Variants in CLIP4 observed in about 807,000 individuals in gnomAD.
The protein encoded by CLIP4 is CAP-Gly domain containing linker protein family member 4.
A neutral mutation model predicts 73.1 loss-of-function variants in CLIP4; 47 were observed. The observed-to-expected ratio is 0.64, with a 90% CI of 0.51 to 0.82. The LOEUF is 0.82. Ranked by LOEUF, CLIP4 falls within the 40% of genes least tolerant of loss-of-function variation. The pLI is 0.00. For synonymous variants in CLIP4, 306 were observed against 295.4 expected (o/e 1.04, Z -0.37); for missense variants, 874 against 852.9 (o/e 1.02, Z -0.31).
intron 15 of CLIP4, among the ~76,000 whole-genome samples, chr2:29,177,128 G>T (rs1199930799): frequency 6.6e-6 from 1 of 152,082 alleles, no homozygotes; most frequent in Non-Finnish European, 1.5e-5. Flanking sequence ...AAACAGTTTG[G>T]CCAGGCACAG....
chr2:29,169,898 T>A (rs996264972), intron 14 of CLIP4, among the ~76,000 whole-genome samples: 9 of 152,264 alleles, frequency 5.9e-5, no homozygotes, highest in African/African-American at 2.2e-4. Flanking sequence ...CAACCTCTCT[T>A]TATCCCCCTT....
intron 5 of CLIP4, among the ~76,000 whole-genome samples, chr2:29,134,485 C>G (rs566213668): frequency 6.6e-6 from 1 of 152,260 alleles, no homozygotes; most frequent in Non-Finnish European, 1.5e-5. Context: ...CCAGAATGTT[C>G]ATTTCTAACC....
chr2:29,099,524 A>T (rs1222714947), intron 1 of CLIP4, among the ~76,000 whole-genome samples: 2 of 152,170 alleles, frequency 1.3e-5, no homozygotes, highest in Non-Finnish European at 2.9e-5. Context: ...TTGAGTGAGT[A>T]TATTTCTGAG....
intron 15 of CLIP4, among the ~76,000 whole-genome samples, chr2:29,179,159 GA>G (rs1335070014): frequency 6.6e-6 from 1 of 152,184 alleles, no homozygotes; most frequent in Non-Finnish European, 1.5e-5. Context: ...GAGGAGTGGT[GA>G]GAGTCATATC....
chr2:29,138,115 C>T (rs975440062), intron 6 of CLIP4, among the ~76,000 whole-genome samples: 7 of 152,118 alleles, frequency 4.6e-5, no homozygotes, highest in African/African-American at 1.2e-4. Context: ...CCTAGGTTTT[C>T]GTCTAGGATT....
At chr2:29,147,621 TG>T in intron 8 of CLIP4, among the ~76,000 whole-genome samples, 1 of 152,282 alleles carries the variant, frequency 6.6e-6, no homozygotes, top group Admixed American at 6.5e-5. Flanking sequence ...GGGTACAGAA[TG>T]ATATTTCTGT....
At chr2:29,140,957 A>G (rs1665722642) in intron 6 of CLIP4, among the ~76,000 whole-genome samples, 1 of 152,046 alleles carries the variant, frequency 6.6e-6, no homozygotes, top group Non-Finnish European at 1.5e-5. Flanking sequence ...TGTCTTCTTG[A>G]TACAGGCGTT....
intron 6 of CLIP4, among the ~76,000 whole-genome samples, chr2:29,140,835 G>A (rs1168824590): frequency 6.6e-6 from 1 of 152,140 alleles, no homozygotes. Flanking sequence ...AGCCAGTGAT[G>A]GTGAGCATTT....
At position 29,121,804 on chromosome 2, in the gene CLIP4, T is replaced by C. The variant is rs1032016297; in HGVS notation, c.133+283T>C. On this transcript the variant is annotated intron_variant, in intron 2 of 15. Coordinates refer to ENST00000320081, the MANE Select transcript of CLIP4 (RefSeq NM_024692.6). ...TAGAAAGCAATGGTGCTTAGATATC[T>C]AGCATTCTTCTGCTATTGATGTATT... Among the ~76,000 whole-genome samples the C allele has an allele frequency of 2.2e-4, 33 of 152,190 alleles. 1 individual carries two copies. The highest frequency in any genetic ancestry group is 3.9e-4 in the Admixed American group (6 of 15,284).
chr2:29,134,143 AAT>A (rs1458192679), intron 5 of CLIP4, among the ~76,000 whole-genome samples: 2 of 152,186 alleles, frequency 1.3e-5, no homozygotes, highest in Non-Finnish European at 2.9e-5. Context: ...GGTAGCCAGA[AAT>A]AGAATAATAA....
At chr2:29,150,790 T>C (rs1468077796) in intron 8 of CLIP4, among the ~76,000 whole-genome samples, 1 of 151,912 alleles carries the variant, frequency 6.6e-6, no homozygotes, top group Non-Finnish European at 1.5e-5. Flanking sequence ...TGGCTAAATT[T>C]TGTATTTTTA....
chr2:29,101,066 G>A lies in CLIP4; in HGVS notation c.-16+3119G>A, dbSNP rs146580467. 9.2e-5 allele frequency among the ~76,000 whole-genome samples: 14 copies of A among 152,106 alleles called. No individual in the cohort carries two copies. The East Asian group carries it at 2.3e-3, about 25-fold the overall frequency. The stretch of plus-strand genomic sequence containing the variant: ...AGCACTTCGGGAGGCAGAGGCAGGC[G>A]GATCACCTGAAGTAGGAGTTTGAGA... On this transcript the variant is annotated intron_variant, in intron 1 of 14. Transcript: ENST00000401605.
chr2:29,173,553 G>T (rs929633144), intron 14 of CLIP4, among the ~76,000 whole-genome samples: 9 of 152,120 alleles, frequency 5.9e-5, no homozygotes, highest in African/African-American at 2.2e-4. Flanking sequence ...CAATTACTTT[G>T]GTGCTTGGAG....
chr2:29,126,690 T>G (rs1206862992), intron 2 of CLIP4, among the ~76,000 whole-genome samples: 1 of 152,202 alleles, frequency 6.6e-6, no homozygotes, highest in African/African-American at 2.4e-5. Flanking sequence ...GTTTGCAGTT[T>G]GAATGTCTTG....
At chr2:29,160,981 T>A (rs1667250886) in intron 12 of CLIP4, among the ~76,000 whole-genome samples, 1 of 143,540 alleles carries the variant, frequency 7.0e-6, no homozygotes, top group Non-Finnish European at 1.5e-5. Flanking sequence ...TTACTTTCTA[T>A]TTTTTTTTTT....
chr2:29,119,341 G>T (rs1664095713), intron 1 of CLIP4, among the ~76,000 whole-genome samples: 1 of 152,088 alleles, frequency 6.6e-6, no homozygotes, highest in African/African-American at 2.4e-5. Context: ...GTATCTTTGA[G>T]GATCTCAACA....
At chr2:29,128,775 A>G (rs1024802003) in intron 2 of CLIP4, among the ~76,000 whole-genome samples, 2 of 151,462 alleles carry the variant, frequency 1.3e-5, no homozygotes, top group Admixed American at 6.6e-5. Context: ...TTTTTCCTTC[A>G]TTTTCTTTTT....
At chr2:29,121,257 T>G (rs1664229487) in intron 1 of CLIP4, 117 bp from the exon 2 acceptor site, 4 of 1,030,966 alleles carry the variant, frequency 3.9e-6, no homozygotes, top group Non-Finnish European at 5.5e-6. Context: ...TAAAAGATCC[T>G]TACTGAAAAT....
At chr2:29,133,968 T>C in intron 5 of CLIP4, 152 bp downstream of exon 5, 1 of 631,356 alleles carries the variant, frequency 1.6e-6, no homozygotes, top group Non-Finnish European at 2.6e-6. Flanking sequence ...TTAAAATTTC[T>C]TTATTGAGTA....
Sources: gnomAD v4.1 joint callset for allele counts (sites outside exome capture counted in the v4.1 genomes callset) on GRCh38, gnomAD v4.1.1 for gene constraint, MANE v1.5 for transcripts, NCBI Gene and HGNC (gene_info 2026-07-23, HGNC 2026-07-21) for gene names.